The following SBNO1 variants were observed in gnomAD, a reference collection of about 807,000 sequenced individuals.
SBNO1 encodes protein strawberry notch homolog 1.
A neutral mutation model predicts 173.6 loss-of-function variants in SBNO1; 23 were observed. The observed-to-expected ratio is 0.13, with a 90% CI of 0.10 to 0.19. The LOEUF is 0.19. Ranked by LOEUF, SBNO1 falls within the 10% of genes least tolerant of loss-of-function variation. SBNO1 has a pLI of 1.00. For synonymous variants in SBNO1, 632 were observed against 571.5 expected (o/e 1.11, Z -1.51); for missense variants, 1,238 against 1,671.2 (o/e 0.74, Z 4.52).
Position 123,296,882 on chromosome 12 carries a change from A to T in SBNO1, c.4040-832T>A, listed in dbSNP as rs2048616464. 2.6e-5 allele frequency among the ~76,000 whole-genome samples: 4 copies of T among 151,316 alleles called. No individual in the cohort carries two copies. In the South Asian group the frequency reaches 8.4e-4, roughly 32 times the overall value. On this transcript the variant is annotated intron_variant, in intron 31 of 31. Coordinates refer to ENST00000602398, the MANE Select transcript of SBNO1 (RefSeq NM_001167856.3). The stretch of plus-strand genomic sequence containing the variant: ...CCCTATTTGTTTTTTTTTTAAATAG[A>T]GACAAGGTCTCACTGTGTTGCCTAG...
chr12:123,341,396 C>G (rs190052627), intron 4 of SBNO1, among the ~76,000 whole-genome samples: 1 of 151,844 alleles, frequency 6.6e-6, no homozygotes, highest in East Asian at 1.9e-4. Context: ...TGAAATGAGC[C>G]GAGATTGCAC....
At chr12:123,305,897 C>G (rs1018539501) in intron 28 of SBNO1, among the ~76,000 whole-genome samples, 1 of 152,172 alleles carries the variant, frequency 6.6e-6, no homozygotes, top group Non-Finnish European at 1.5e-5. Flanking sequence ...AAAGACTGAA[C>G]AGCTTCTAAA....
intron 3 of SBNO1, among the ~76,000 whole-genome samples, chr12:123,347,320 G>A (rs370464239): frequency 5.0e-4 from 75 of 150,010 alleles, no homozygotes; most frequent in African/African-American, 1.6e-3. Flanking sequence ...TCTACCTCCC[G>A]GGTACATGCC....
chr12:123,309,686 G>A, intron 26 of SBNO1, 24 bp downstream of exon 26: 1 of 1,608,256 alleles, frequency 6.2e-7, no homozygotes, highest in Non-Finnish European at 8.5e-7. Context: ...GGGACATTGT[G>A]GGGGGGAAAT....
intron 24 of SBNO1, among the ~76,000 whole-genome samples, chr12:123,313,000 C>T (rs1174285083): frequency 2.6e-5 from 4 of 151,858 alleles, no homozygotes; most frequent in Non-Finnish European, 5.9e-5. Flanking sequence ...GTCAGGAGAT[C>T]GAGACCATCC....
intron 2 of SBNO1, among the ~76,000 whole-genome samples, 185 bp downstream of exon 2, chr12:123,350,125 G>A (rs1246109878): frequency 1.3e-5 from 2 of 151,916 alleles, no homozygotes; most frequent in East Asian, 1.9e-4. Context: ...GTGGTGGCAC[G>A]TGCCTATAGT....
chr12:123,297,308 C>T (rs187483937), intron 31 of SBNO1, among the ~76,000 whole-genome samples: 18 of 114,550 alleles, frequency 1.6e-4, no homozygotes, highest in Admixed American at 1.4e-3. Flanking sequence ...CCAGCCTGGG[C>T]GACACAGTGA....
chr12:123,323,928 T>TTGTAAAACTGA, intron 15 of SBNO1, 97 bp from the exon 16 acceptor site: 1 of 901,372 alleles, frequency 1.1e-6, no homozygotes, highest in Non-Finnish European at 1.5e-6. Flanking sequence ...TGTTCAGTTT[T>TTGTAAAACTGA]ACAAAATACT....
At chr12:123,296,355 T>C (rs2048594233) in intron 31 of SBNO1, among the ~76,000 whole-genome samples, 1 of 152,236 alleles carries the variant, frequency 6.6e-6, no homozygotes, top group African/African-American at 2.4e-5. Flanking sequence ...TATTATTCTA[T>C]GTATTATCTT....
At chr12:123,321,018 C>A in intron 17 of SBNO1, 152 bp from the exon 18 acceptor site, 1 of 590,530 alleles carries the variant, frequency 1.7e-6, no homozygotes, top group Non-Finnish European at 2.8e-6. Context: ...CAGCTTACTG[C>A]AATCTCCACC....
In SBNO1 at chr12:123,290,257, A is replaced by G. The variant is rs1034370119; in HGVS notation, c.*5651T>C. 8 of 152,232 alleles carry G rather than the reference A, an allele frequency of 5.3e-5. No homozygotes were observed. Among genetic ancestry groups the G allele is most frequent in the African/African-American group, 1.9e-4 (8 of 41,444 alleles). 9.4% of individuals were successfully genotyped at this position (152,232 alleles called of 1,614,324 possible). ...GGCAATCTGTGACAGGCCCCAATTC[A>G]CGACAAATTTAGTTCCCAAGACTGA... On this transcript the variant is annotated 3_prime_UTR_variant, in exon 32 of 32. Transcript: ENST00000602398.
In SBNO1 at chr12:123,293,461, C is replaced by T. The variant is rs1478482043; in HGVS notation, c.*2447G>A. The T allele has an allele frequency of 3.3e-5, 5 of 152,154 alleles. No individual in the cohort carries two copies. Among genetic ancestry groups the T allele is most frequent in the African/African-American group, 4.8e-5 (2 of 41,434 alleles). 9.4% of individuals were successfully genotyped at this position (152,154 alleles called of 1,614,324 possible). On this transcript the variant is annotated 3_prime_UTR_variant, in exon 32 of 32. Transcript: ENST00000602398. ...TTTTGCAAGACCACAGTGTAAAGGT[C>T]GGATGTCCACCTGAAGAAGGGGTGG...
chr12:123,290,478 T>C lies in SBNO1; in HGVS notation c.*5430A>G, dbSNP rs1326890284. 6.6e-6 allele frequency: 1 copy of C among 152,194 alleles called. No individual in the cohort carries two copies. Among genetic ancestry groups the C allele is most frequent in the African/African-American group, 2.4e-5 (1 of 41,446 alleles). 9.4% of individuals were successfully genotyped at this position (152,194 alleles called of 1,614,324 possible). On this transcript the variant is annotated 3_prime_UTR_variant, in exon 32 of 32. Transcript: ENST00000602398. ...GCCTCCCGGGTGCTCAACACCATCA[T>C]TTTGATGAACCATCCGGGTCTTCCC...
At chr12:123,307,655 G>C (rs143964210) in intron 28 of SBNO1, among the ~76,000 whole-genome samples, 1 of 152,208 alleles carries the variant, frequency 6.6e-6, no homozygotes, top group Non-Finnish European at 1.5e-5. Flanking sequence ...GCCAGGCAGC[G>C]TGGTTCACAC....
chr12:123,357,997 T>C (rs889044611), intron 1 of SBNO1, among the ~76,000 whole-genome samples: 1 of 152,218 alleles, frequency 6.6e-6, no homozygotes, highest in Non-Finnish European at 1.5e-5. Flanking sequence ...AGATGGTCAA[T>C]TGTCTTGATT....
rs1869980159 is a variant in SBNO1, at chr12:123,321,547, C to A, written c.2311G>T (p.Asp771Tyr). The A allele has an allele frequency of 6.2e-7, 1 of 1,610,526 alleles. No individual in the cohort carries two copies. Among genetic ancestry groups the A allele is most frequent in the Non-Finnish European group, 8.5e-7 (1 of 1,176,800 alleles). ...FNPFLDESNE[D>Y]DENDPWLIRK... is the part of the protein sequence containing the mutation. Reference sequence around the variant, plus strand: ...ATACTGAACTTACCATTTTCATCATCCTCATTAGACTCATCTAAAAATGGG... The same window carrying A: ...ATACTGAACTTACCATTTTCATCATACTCATTAGACTCATCTAAAAATGGG... The change falls in exon 17 of 32, where the codon GAT (aspartate) becomes TAT (tyrosine). Residue 771 changes from aspartate (D) to tyrosine (Y), a missense_variant. Transcript: ENST00000602398.
At chr12:123,302,699 C>T in intron 30 of SBNO1, 125 bp downstream of exon 30, 1 of 710,058 alleles carries the variant, frequency 1.4e-6, no homozygotes, top group Non-Finnish European at 2.5e-6. Flanking sequence ...CCTGATGGAA[C>T]ACACCACGCC....
chr12:123,358,575 A>C (rs1456933252), intron 1 of SBNO1, among the ~76,000 whole-genome samples: 3 of 151,808 alleles, frequency 2.0e-5, no homozygotes, highest in African/African-American at 7.3e-5. Flanking sequence ...CCCCGTCTCT[A>C]CTAAAAATAC....
intron 24 of SBNO1, among the ~76,000 whole-genome samples, chr12:123,311,748 A>ATTT (rs148426880): frequency 1.5e-5 from 2 of 134,420 alleles, no homozygotes; most frequent in African/African-American, 5.7e-5. Context: ...ATATATATAT[A>ATTT]TTTTTGCGAC....
Sources: gnomAD v4.1 joint callset for allele counts (sites outside exome capture counted in the v4.1 genomes callset) on GRCh38, gnomAD v4.1.1 for gene constraint, MANE v1.5 for transcripts, NCBI Gene and HGNC (gene_info 2026-07-23, HGNC 2026-07-21) for gene names.